Variants in SHTN1 observed in about 807,000 individuals in gnomAD.
The protein encoded by SHTN1 is shootin-1.
SHTN1 carries 42 observed loss-of-function variants against 83.1 expected under a neutral mutation model. The observed-to-expected ratio is 0.51, with a 90% CI of 0.39 to 0.65. The LOEUF is 0.65. Among genes scored for constraint, SHTN1 ranks in the 30% least tolerant of loss-of-function variants. The pLI, the probability that SHTN1 is intolerant of heterozygous loss-of-function variation, is 0.00. For synonymous variants in SHTN1, 224 were observed against 247.7 expected (o/e 0.90, Z 0.90); for missense variants, 622 against 737.8 (o/e 0.84, Z 1.82).
chr10:116,946,004 A>C (rs183992952), intron 7 of SHTN1, among the ~76,000 whole-genome samples: 1 of 152,262 alleles, frequency 6.6e-6, no homozygotes, highest in Admixed American at 6.5e-5. Flanking sequence ...AGAGTTCAAA[A>C]ATATGCAAAA....
chr10:116,919,379 G>C (rs1271452043), intron 12 of SHTN1, among the ~76,000 whole-genome samples: 2 of 152,130 alleles, frequency 1.3e-5, no homozygotes, highest in African/African-American at 2.4e-5. Flanking sequence ...AAAATCTCAA[G>C]AGCAACTTCT....
At chr10:116,886,881 CTG>C (rs1847181347) in intron 16 of SHTN1, among the ~76,000 whole-genome samples, 1 of 152,228 alleles carries the variant, frequency 6.6e-6, no homozygotes, top group Admixed American at 6.5e-5. Flanking sequence ...CATGGACAAA[CTG>C]TGAACTTCTC....
In SHTN1 at chr10:116,913,567, T is replaced by C. The variant is rs563503785; in HGVS notation, c.1306-1724A>G. The stretch of plus-strand genomic sequence containing the variant: ...GTACGTATGGAACATTGATTGCTTA[T>C]GATTTAAGAAGTTTTCAACTTTTTT... On this transcript the variant is annotated intron_variant, in intron 13 of 16. Coordinates refer to ENST00000355371, the MANE Select transcript of SHTN1 (RefSeq NM_001127211.3). 7.6e-4 allele frequency among the ~76,000 whole-genome samples: 116 copies of C among 152,368 alleles called. 2 individuals carry two copies. The South Asian group carries it at 0.022, about 29-fold the overall frequency.
At chr10:116,970,339 A>T (rs1414111169) in intron 2 of SHTN1, among the ~76,000 whole-genome samples, 1 of 152,222 alleles carries the variant, frequency 6.6e-6, no homozygotes, top group African/African-American at 2.4e-5. Context: ...ATTTTTAATA[A>T]TAGTACATCA....
At chr10:117,072,397 C>T (rs543936662) in intron 1 of SHTN1, among the ~76,000 whole-genome samples, 2 of 152,214 alleles carry the variant, frequency 1.3e-5, no homozygotes, top group South Asian at 4.1e-4. Flanking sequence ...TCCAGAATGA[C>T]GGCAGGAATA....
intron 3 of SHTN1, among the ~76,000 whole-genome samples, chr10:116,968,013 C>T (rs918718428): frequency 6.6e-6 from 1 of 152,086 alleles, no homozygotes; most frequent in African/African-American, 2.4e-5. Flanking sequence ...GAAACCCCGT[C>T]TCTACTAAAA....
At chr10:116,903,209 G>A (rs1015901243) in intron 15 of SHTN1, among the ~76,000 whole-genome samples, 5 of 152,286 alleles carry the variant, frequency 3.3e-5, no homozygotes, top group African/African-American at 9.6e-5. Context: ...AGGCAGACAC[G>A]TTTGGACATT....
intron 1 of SHTN1, among the ~76,000 whole-genome samples, chr10:117,109,513 A>G (rs1158749141): frequency 1.5e-5 from 1 of 66,984 alleles, no homozygotes; most frequent in Non-Finnish European, 3.2e-5. Flanking sequence ...TGTCTTTTTT[A>G]TACTTTTATA....
At chr10:116,967,604 T>C (rs1850443284) in intron 3 of SHTN1, among the ~76,000 whole-genome samples, 1 of 152,222 alleles carries the variant, frequency 6.6e-6, no homozygotes, top group South Asian at 2.1e-4. Flanking sequence ...TTATTTTCTT[T>C]TGTAGTAACA....
At chr10:116,994,079 ACT>A (rs1367487511) in intron 1 of SHTN1, among the ~76,000 whole-genome samples, 1 of 152,022 alleles carries the variant, frequency 6.6e-6, no homozygotes, top group African/African-American at 2.4e-5. Context: ...AAGGATTAAA[ACT>A]CTAATTAATA....
intron 11 of SHTN1, among the ~76,000 whole-genome samples, chr10:116,923,302 G>T (rs1382031059): frequency 1.3e-5 from 2 of 152,152 alleles, no homozygotes; most frequent in African/African-American, 4.8e-5. Flanking sequence ...GTACATATCT[G>T]CATATAGCAT....
At chr10:116,975,622 T>C (rs553074014) in intron 2 of SHTN1, among the ~76,000 whole-genome samples, 2 of 151,796 alleles carry the variant, frequency 1.3e-5, no homozygotes, top group South Asian at 2.1e-4. Flanking sequence ...CTCAAACAAA[T>C]TGACTCCATT....
At chr10:116,933,744 C>T (rs930125773) in intron 9 of SHTN1, among the ~76,000 whole-genome samples, 7 of 152,212 alleles carry the variant, frequency 4.6e-5, no homozygotes, top group Admixed American at 2.0e-4. Flanking sequence ...AATCACCACA[C>T]TGTCTTCCAC....
At chr10:117,009,138 A>G (rs532469839), upstream of SHTN1, among the ~76,000 whole-genome samples, 26 of 152,244 alleles carry the variant, frequency 1.7e-4, 1 homozygote, top group South Asian at 5.4e-3. Flanking sequence ...AGAAAAGAAA[A>G]TATCAACCAA....
chr10:116,967,966 G>A (rs530733714), intron 3 of SHTN1, among the ~76,000 whole-genome samples: 5 of 152,234 alleles, frequency 3.3e-5, no homozygotes, highest in East Asian at 3.9e-4. Flanking sequence ...GGAGGATCAC[G>A]AGGTCAAGAG....
chr10:116,924,746 ATTTTTT>A (rs201343735), intron 11 of SHTN1, among the ~76,000 whole-genome samples: 3 of 89,526 alleles, frequency 3.4e-5, no homozygotes, highest in Non-Finnish European at 6.7e-5. Flanking sequence ...ATTTTCACCT[ATTTTTT>A]TTTTTTTTTT....
At chr10:116,954,358 A>C in intron 4 of SHTN1, 148 bp from the exon 5 acceptor site, 1 of 560,696 alleles carries the variant, frequency 1.8e-6, no homozygotes, top group Admixed American at 3.4e-5. Flanking sequence ...TCATTAAATA[A>C]GGTTTTATAT....
intron 3 of SHTN1, among the ~76,000 whole-genome samples, chr10:116,963,322 T>C (rs1201987084): frequency 2.6e-5 from 4 of 151,432 alleles, no homozygotes; most frequent in Admixed American, 2.6e-4. Context: ...TCCGCCCGCC[T>C]CGGCCTCCCA....
At chr10:117,093,108 T>A (rs1209437289) in intron 1 of SHTN1, among the ~76,000 whole-genome samples, 1 of 152,220 alleles carries the variant, frequency 6.6e-6, no homozygotes, top group Admixed American at 6.5e-5. Context: ...AGTATTACTA[T>A]CCTCAGTTCA....
Sources: gnomAD v4.1 joint callset for allele counts (sites outside exome capture counted in the v4.1 genomes callset) on GRCh38, gnomAD v4.1.1 for gene constraint, MANE v1.5 for transcripts, NCBI Gene and HGNC (gene_info 2026-07-23, HGNC 2026-07-21) for gene names.